AUTS2: variants seen among roughly 807,000 people sequenced by gnomAD.
AUTS2 encodes the protein autism susceptibility gene 2 protein.
Under a neutral mutation model 112.4 loss-of-function variants are expected in AUTS2, and 17 were observed. The ratio of observed to expected loss-of-function variants is 0.15; its 90% confidence interval spans 0.10 to 0.23. AUTS2 has a LOEUF of 0.23. AUTS2 is among the 10% of genes least tolerant of loss of function. The pLI is 1.00. For synonymous variants in AUTS2, 751 were observed against 702.7 expected (o/e 1.07, Z -1.09); for missense variants, 1,510 against 1,701.6 (o/e 0.89, Z 1.98).
chr7:70,432,541 C>G (rs1795717042), intron 4 of AUTS2, among the ~76,000 whole-genome samples: 1 of 152,190 alleles, frequency 6.6e-6, no homozygotes, highest in Non-Finnish European at 1.5e-5. Flanking sequence ...GCCAGTGAAG[C>G]AGAAAGACTC....
chr7:70,745,769 A>G (rs1294743724), intron 6 of AUTS2, among the ~76,000 whole-genome samples: 1 of 152,222 alleles, frequency 6.6e-6, no homozygotes, highest in African/African-American at 2.4e-5. Flanking sequence ...GTTTTATTGT[A>G]TATTGAAAAT....
At chr7:70,150,218 G>A (rs1446134108) in intron 4 of AUTS2, among the ~76,000 whole-genome samples, 1 of 152,116 alleles carries the variant, frequency 6.6e-6, no homozygotes, top group Non-Finnish European at 1.5e-5. Flanking sequence ...TTTAGTATAT[G>A]TAAGCACTTA....
intron 4 of AUTS2, among the ~76,000 whole-genome samples, chr7:70,429,612 G>A (rs763145524): frequency 2.0e-5 from 3 of 152,212 alleles, no homozygotes; most frequent in Non-Finnish European, 4.4e-5. Context: ...CGGACCACAA[G>A]CTGTTTGCAA....
intron 2 of AUTS2, among the ~76,000 whole-genome samples, chr7:70,109,411 T>C (rs1285602382): frequency 1.3e-5 from 2 of 152,216 alleles, no homozygotes; most frequent in Non-Finnish European, 2.9e-5. Context: ...ATGGTTATAC[T>C]CAAGGAATGC....
chr7:69,650,296 A>G (rs918045818), intron 1 of AUTS2, among the ~76,000 whole-genome samples: 5 of 152,156 alleles, frequency 3.3e-5, no homozygotes, highest in African/African-American at 4.8e-5. Flanking sequence ...TACTCTTTCT[A>G]TCAATAAGAA....
intron 2 of AUTS2, among the ~76,000 whole-genome samples, chr7:70,112,752 C>T (rs1035384100): frequency 6.6e-6 from 1 of 151,716 alleles, no homozygotes; most frequent in African/African-American, 2.4e-5. Flanking sequence ...TTCTTTGTAA[C>T]TAATAAATAA....
At chr7:70,435,174 G>A (rs1795839147) in intron 4 of AUTS2, among the ~76,000 whole-genome samples, 1 of 152,108 alleles carries the variant, frequency 6.6e-6, no homozygotes, top group Non-Finnish European at 1.5e-5. Context: ...TCTATTCTCT[G>A]GGCCTCTAAA....
Position 69,821,862 on chromosome 7 carries a change from G to T in AUTS2, c.310-77424G>T, listed in dbSNP as rs190987774. ...GCTCAGGAGGTTGAGGCTGCAGTGA[G>T]CTGTGATTGCACCACTGCACTCCAG... On this transcript the variant is annotated intron_variant, in intron 1 of 18. Coordinates refer to ENST00000342771, the MANE Select transcript of AUTS2 (RefSeq NM_015570.4). Among the ~76,000 whole-genome samples the T allele has an allele frequency of 2.9e-3, 429 of 148,738 alleles. 5 individuals carry two copies. The highest frequency in any genetic ancestry group is 0.01 in the African/African-American group (416 of 39,958).
chr7:70,084,633 C>T (rs1196381260), intron 2 of AUTS2, among the ~76,000 whole-genome samples: 1 of 152,130 alleles, frequency 6.6e-6, no homozygotes, highest in Non-Finnish European at 1.5e-5. Flanking sequence ...AATGAATAAT[C>T]ATGTTGAGCA....
At chr7:70,655,608 A>G (rs1465717192) in intron 5 of AUTS2, among the ~76,000 whole-genome samples, 2 of 152,210 alleles carry the variant, frequency 1.3e-5, no homozygotes, top group African/African-American at 4.8e-5. Context: ...CATTTTTCCC[A>G]GAAGCCCCTG....
intron 1 of AUTS2, among the ~76,000 whole-genome samples, chr7:69,616,288 G>C (rs1035649162): frequency 1.3e-5 from 2 of 152,184 alleles, no homozygotes; most frequent in East Asian, 1.9e-4. Context: ...GTGGAGTCAA[G>C]AAAGTACCAG....
intron 2 of AUTS2, among the ~76,000 whole-genome samples, chr7:70,059,882 T>C (rs1802163847): frequency 6.6e-6 from 1 of 152,226 alleles, no homozygotes; most frequent in African/African-American, 2.4e-5. Flanking sequence ...TCCAAATAGC[T>C]GCTTGACCTT....
chr7:70,739,080 C>T (rs1787950969), intron 6 of AUTS2, among the ~76,000 whole-genome samples: 1 of 123,728 alleles, frequency 8.1e-6, no homozygotes, highest in Admixed American at 1.1e-4. Flanking sequence ...GGCTGGAGCA[C>T]GGTGTTGCTG....
intron 6 of AUTS2, among the ~76,000 whole-genome samples, chr7:70,744,041 C>T (rs577451507): frequency 8.6e-5 from 13 of 151,998 alleles, no homozygotes; most frequent in Admixed American, 2.0e-4. Flanking sequence ...ATTTCCAGCC[C>T]CGAGTGTTGG....
chr7:70,377,341 T>C (rs961681254), intron 4 of AUTS2, among the ~76,000 whole-genome samples: 2 of 76,946 alleles, frequency 2.6e-5, no homozygotes, highest in African/African-American at 1.1e-4. Flanking sequence ...TATATATATA[T>C]ATATATATAT....
At chr7:70,664,051 C>A (rs534659150) in intron 5 of AUTS2, among the ~76,000 whole-genome samples, 17 of 152,210 alleles carry the variant, frequency 1.1e-4, no homozygotes, top group Admixed American at 8.5e-4. Context: ...GTAGATGGGG[C>A]CAGCCAAAGC....
chr7:70,756,730 C>T lies in AUTS2; in HGVS notation c.743-6140C>T, dbSNP rs1033363180. ...TGGAGATTCAGATACCTGGAGCAGCCTTACCATTGTGTCATGATTTTCCCA... is the reference window on the plus strand; with the variant it reads ...TGGAGATTCAGATACCTGGAGCAGCTTTACCATTGTGTCATGATTTTCCCA... On this transcript the variant is annotated intron_variant, in intron 6 of 18. Transcript: ENST00000342771. 3.3e-5 allele frequency among the ~76,000 whole-genome samples: 5 copies of T among 152,112 alleles called. No homozygotes were observed. The East Asian group carries it at 9.6e-4, about 29-fold the overall frequency.
At chr7:70,091,008 G>T (rs948002036) in intron 2 of AUTS2, among the ~76,000 whole-genome samples, 7 of 152,096 alleles carry the variant, frequency 4.6e-5, no homozygotes, top group African/African-American at 1.4e-4. Context: ...AGGCCTACTG[G>T]TGATTAATTC....
chr7:70,559,063 C>T (rs938467742), intron 5 of AUTS2, among the ~76,000 whole-genome samples: 1 of 152,080 alleles, frequency 6.6e-6, no homozygotes, highest in Admixed American at 6.5e-5. Context: ...GTGCTGTTCT[C>T]GTGATAGTGA....
Sources: gnomAD v4.1 joint callset for allele counts (sites outside exome capture counted in the v4.1 genomes callset) on GRCh38, gnomAD v4.1.1 for gene constraint, MANE v1.5 for transcripts, NCBI Gene and HGNC (gene_info 2026-07-23, HGNC 2026-07-21) for gene names.